Variants in DCDC2C observed in about 807,000 individuals in gnomAD.
DCDC2C encodes doublecortin domain-containing protein 2C.
In DCDC2C, 44 loss-of-function variants were observed where a neutral mutation model predicts 45.0. That is an observed-to-expected ratio of 0.98 (90% confidence interval 0.77 to 1.26). The LOEUF is 1.26. Among genes scored for constraint, DCDC2C ranks in the 50% most tolerant of loss-of-function variants. The pLI, the probability that DCDC2C is intolerant of heterozygous loss-of-function variation, is 0.00. For synonymous variants in DCDC2C, 187 were observed against 178.8 expected (o/e 1.05, Z -0.37); for missense variants, 447 against 468.9 (o/e 0.95, Z 0.43).
intron 2 of DCDC2C, among the ~76,000 whole-genome samples, chr2:3,712,444 T>A (rs1482492108): frequency 6.7e-6 from 1 of 149,980 alleles, no homozygotes; most frequent in Non-Finnish European, 1.5e-5. Context: ...GGTGGGAGAA[T>A]TACTTGAGCC....
chr2:3,720,352 G>A lies in DCDC2C; in HGVS notation c.340-6651G>A, dbSNP rs566204272. On this transcript the variant is annotated intron_variant, in intron 2 of 10. Coordinates refer to ENST00000399143, the MANE Select transcript of DCDC2C (RefSeq NM_001287444.2). ...ATGGAGTCTCTGTGAGGTTTTCAGA[G>A]GAACTCACTAAAGCCTGCACTCTCC... Among the ~76,000 whole-genome samples the A allele has an allele frequency of 4.7e-4, 71 of 151,944 alleles. 1 individual carries two copies. The highest frequency in any genetic ancestry group is 1.7e-3 in the African/African-American group (68 of 41,188).
At chr2:3,725,343 G>A (rs916783977) in intron 2 of DCDC2C, among the ~76,000 whole-genome samples, 1 of 150,946 alleles carries the variant, frequency 6.6e-6, no homozygotes, top group Non-Finnish European at 1.5e-5. Flanking sequence ...GCCCCGGGAA[G>A]CACATGGACT....
intron 10 of DCDC2C, among the ~76,000 whole-genome samples, chr2:3,829,646 T>A (rs112619048): frequency 2.6e-5 from 4 of 152,348 alleles, no homozygotes; most frequent in African/African-American, 9.6e-5. Flanking sequence ...GTTTATTTTT[T>A]AATTCTTTCT....
intron 10 of DCDC2C, among the ~76,000 whole-genome samples, chr2:3,789,217 C>T (rs1670741922): frequency 6.6e-6 from 1 of 151,986 alleles, no homozygotes; most frequent in Non-Finnish European, 1.5e-5. Flanking sequence ...ATGTTTTAGC[C>T]CATTGGAGAA....
intron 8 of DCDC2C, 61 bp downstream of exon 8, chr2:3,769,472 C>T (rs2148154864): frequency 1.4e-6 from 2 of 1,433,548 alleles, no homozygotes; most frequent in South Asian, 1.2e-5. Flanking sequence ...CTCCTGCCCG[C>T]CTCAGCGTCA....
intron 10 of DCDC2C, among the ~76,000 whole-genome samples, chr2:3,837,706 C>T (rs138047912): frequency 9.5e-5 from 4 of 42,154 alleles, no homozygotes; most frequent in East Asian, 5.3e-4. Flanking sequence ...GTTTCTCAAG[C>T]GCAACACCAT....
intron 10 of DCDC2C, among the ~76,000 whole-genome samples, chr2:3,803,992 C>A (rs1016776549): frequency 6.6e-6 from 1 of 152,206 alleles, no homozygotes; most frequent in African/African-American, 2.4e-5. Context: ...GAAACTATCT[C>A]GACCACTCCA....
rs1430790262 is a variant in DCDC2C, at chr2:3,818,738, C to T, written c.1066-28416C>T. 6.6e-6 allele frequency among the ~76,000 whole-genome samples: 1 copy of T among 151,726 alleles called. No individual in the cohort carries two copies. The highest frequency in any genetic ancestry group is 2.4e-5 in the African/African-American group (1 of 41,266). On this transcript the variant is annotated intron_variant, in intron 10 of 10. Coordinates refer to ENST00000399143, the MANE Select transcript of DCDC2C (RefSeq NM_001287444.2). The surrounding 1 kb of genome is among the most constrained non-coding windows in gnomAD (Gnocchi z 4.7). ...GTCATCAAGGAGGGAGTAGAGGTGT[C>T]TTATACTTGTGGATTAAGGTGGGGA...
chr2:3,747,637 C>T (rs976173909), intron 4 of DCDC2C, among the ~76,000 whole-genome samples: 2 of 152,238 alleles, frequency 1.3e-5, no homozygotes, highest in African/African-American at 4.8e-5. Context: ...TTGGGTGTGG[C>T]CTGACCTCGC....
At chr2:3,809,550 T>A (rs1671337331) in intron 10 of DCDC2C, among the ~76,000 whole-genome samples, 1 of 152,222 alleles carries the variant, frequency 6.6e-6, no homozygotes, top group Non-Finnish European at 1.5e-5. Flanking sequence ...AACTATTGAC[T>A]TTTTTATATC....
intron 8 of DCDC2C, among the ~76,000 whole-genome samples, chr2:3,775,929 C>G (rs74171417): frequency 6.8e-4 from 37 of 54,074 alleles, no homozygotes; most frequent in Middle Eastern, 0.014. Context: ...AGCTGTGGCT[C>G]TGAGCTAGGC....
chr2:3,835,863 C>A (rs1302218748), intron 10 of DCDC2C, among the ~76,000 whole-genome samples: 1 of 152,090 alleles, frequency 6.6e-6, no homozygotes, highest in Non-Finnish European at 1.5e-5. Context: ...CCTACCTTAG[C>A]CTCCTAAGCA....
At chr2:3,728,675 A>G (rs1205697623) in intron 3 of DCDC2C, among the ~76,000 whole-genome samples, 1 of 152,196 alleles carries the variant, frequency 6.6e-6, no homozygotes, top group Non-Finnish European at 1.5e-5. Context: ...CCTACCACAA[A>G]TAAACCTGAT....
intron 2 of DCDC2C, among the ~76,000 whole-genome samples, chr2:3,712,488 CA>C (rs34271207): frequency 0.38 from 43,678 of 114,870 alleles, 6,958 homozygotes; most frequent in Non-Finnish European, 0.45. Context: ...CCTATCTCTA[CA>C]AAAAAAAAAA....
At chr2:3,806,956 C>T (rs1671265460) in intron 10 of DCDC2C, among the ~76,000 whole-genome samples, 1 of 152,264 alleles carries the variant, frequency 6.6e-6, no homozygotes, top group South Asian at 2.1e-4. Context: ...TGGTGAATTC[C>T]TGGACTGCGT....
intron 10 of DCDC2C, among the ~76,000 whole-genome samples, chr2:3,786,307 C>A (rs1032007431): frequency 6.7e-6 from 1 of 148,266 alleles, no homozygotes; most frequent in Non-Finnish European, 1.5e-5. Flanking sequence ...GTGAACCTCT[C>A]GTGCAGATGT....
At chr2:3,769,140 G>C (rs1330961183) in intron 7 of DCDC2C, 171 bp from the exon 8 acceptor site, 1 of 590,894 alleles carries the variant, frequency 1.7e-6, no homozygotes. Context: ...CAAACAGGAA[G>C]GGCGAGAGGG....
chr2:3,792,112 G>A (rs957004435), intron 10 of DCDC2C, among the ~76,000 whole-genome samples: 5 of 152,192 alleles, frequency 3.3e-5, no homozygotes, highest in Admixed American at 2.0e-4. Context: ...ACAGTGATGG[G>A]ATTTTGCTGT....
chr2:3,714,856 A>T (rs1299722338), intron 2 of DCDC2C, among the ~76,000 whole-genome samples: 1 of 152,140 alleles, frequency 6.6e-6, no homozygotes, highest in Admixed American at 6.5e-5. Context: ...CAATGGCGAG[A>T]CCACTGTTTG....
Sources: allele counts gnomAD v4.1 joint callset (sites outside exome capture counted in the v4.1 genomes callset), GRCh38; gene constraint gnomAD v4.1.1; non-coding constraint Gnocchi (gnomAD v3.1); transcripts MANE v1.5; gene names NCBI Gene and HGNC (gene_info 2026-07-23, HGNC 2026-07-21).